CACNA2D2: variants seen among roughly 807,000 people sequenced by gnomAD.
CACNA2D2 encodes calcium voltage-gated channel auxiliary subunit alpha2delta 2.
CACNA2D2 carries 48 observed loss-of-function variants against 166.4 expected under a neutral mutation model. The ratio of observed to expected loss-of-function variants is 0.29; its 90% CI spans 0.23 to 0.37. The LOEUF (loss-of-function observed/expected upper bound fraction) is 0.37, where lower values mean the gene tolerates loss of function less well. Among genes scored for constraint, CACNA2D2 ranks in the 10% least tolerant of loss-of-function variants. CACNA2D2 has a pLI of 1.00. For missense variants in CACNA2D2, 1,122 were observed against 1,433.0 expected, an observed-to-expected ratio of 0.78 and a Z score of 3.50; for synonymous variants, 561 against 573.7, an observed-to-expected ratio of 0.98 and a Z score of 0.32.
chr3:50,408,774 C>T (rs1706844935), intron 3 of CACNA2D2, among the ~76,000 whole-genome samples: 1 of 152,224 alleles, frequency 6.6e-6, no homozygotes, highest in Non-Finnish European at 1.5e-5. Context: ...CCCCACACTG[C>T]ACAGCCACTC....
At position 50,370,590 on chromosome 3, in the gene CACNA2D2, CAGG is replaced by C. The variant is rs780054314; in HGVS notation, c.1985-213_1985-211del. On this transcript the variant is annotated intron_variant, in intron 22 of 37. Transcript: ENST00000424201. ...AGGGCCTGTGGAGACTACAGCATCG[CAGG>C]AGGAGGGCAGTTATAGCCAATATGT... Among the ~76,000 whole-genome samples, 153 of 152,174 alleles carry C rather than the reference CAGG, an allele frequency of 1.0e-3. 1 individual carries two copies. The highest frequency in any genetic ancestry group is 3.4e-3 in the Middle Eastern group (1 of 294).
Position 50,365,112 on chromosome 3 carries a change from C to G in CACNA2D2, c.3171G>C (p.Gln1057His). Residue 1057 changes from glutamine (Q) to histidine (H), a missense_variant, in exon 36 of 38, where the codon CAG (glutamine) becomes CAC (histidine). By Grantham distance (24) the Gln-to-His change is conservative. Transcript: ENST00000424201. This position sits in a 1 kb window ranked among gnomAD's most constrained non-coding sequence, Gnocchi z 4.5. ...FVVAEKPLCS[Q>H]CEAGRLLQKE... ...TCTGCAGCAGCCGGCCAGCCTCGCA[C>G]TGGCTGCACAGCGGCTTCTCGGCCA... The G allele has an allele frequency of 6.2e-7, 1 of 1,612,094 alleles. No individual in the cohort carries two copies. Among genetic ancestry groups the G allele is most frequent in the Non-Finnish European group, 8.5e-7 (1 of 1,179,698 alleles).
chr3:50,485,041 G>A (rs529494185), intron 1 of CACNA2D2, among the ~76,000 whole-genome samples: 195 of 152,340 alleles, frequency 1.3e-3, no homozygotes, highest in Non-Finnish European at 2.3e-3. Context: ...GGCCCGCCCA[G>A]GCCTGTGGCT....
In CACNA2D2 at chr3:50,428,302, C is replaced by T. The variant is rs555752533; in HGVS notation, c.405+6011G>A. Among the ~76,000 whole-genome samples, 8 of 152,254 alleles carry T rather than the reference C, an allele frequency of 5.3e-5. No individual in the cohort carries two copies. In the East Asian group the frequency reaches 5.8e-4, roughly 11 times the overall value. On this transcript the variant is annotated intron_variant, in intron 3 of 37. Coordinates refer to ENST00000424201, the MANE Select transcript of CACNA2D2 (RefSeq NM_006030.4). ...AAGATGTCAGCAGTGCCGAGGCTGA[C>T]GCCCTGCTTTAGATAAGGCTTTAGA...
chr3:50,438,363 C>A (rs1708442006), intron 2 of CACNA2D2, among the ~76,000 whole-genome samples: 1 of 152,184 alleles, frequency 6.6e-6, no homozygotes, highest in South Asian at 2.1e-4. Context: ...CCTCTCTCAG[C>A]TCTAGCAGTT....
intron 2 of CACNA2D2, among the ~76,000 whole-genome samples, chr3:50,453,535 T>A (rs2106965916): frequency 6.6e-6 from 1 of 152,220 alleles, no homozygotes; most frequent in East Asian, 1.9e-4. Flanking sequence ...CACTCAGGCC[T>A]CGCCCCTTTC....
chr3:50,394,995 C>T (rs1706076268), intron 3 of CACNA2D2, among the ~76,000 whole-genome samples: 2 of 152,192 alleles, frequency 1.3e-5, no homozygotes, highest in African/African-American at 4.8e-5. Flanking sequence ...CGGCCACCCT[C>T]TGGGCCTAAG....
chr3:50,434,980 G>C (rs781487488), intron 2 of CACNA2D2, among the ~76,000 whole-genome samples: 1 of 152,214 alleles, frequency 6.6e-6, no homozygotes, highest in Non-Finnish European at 1.5e-5. Flanking sequence ...CAGGAGCTCT[G>C]GGCAATCCCA....
chr3:50,400,317 T>C (rs1377226668), intron 3 of CACNA2D2, among the ~76,000 whole-genome samples: 1 of 152,160 alleles, frequency 6.6e-6, no homozygotes, highest in Non-Finnish European at 1.5e-5. Flanking sequence ...TGAGCAGACA[T>C]TTGTCTGTCC....
rs1479185575 is a variant in CACNA2D2, at chr3:50,374,701, A to G, written c.1984+36T>C. ...GCCGGCCAGGGTGCGGGGCAGAGGC[A>G]GGGTGCAGGGCGCAGGCAGGGGCCG... is the stretch of plus-strand genomic sequence containing the variant. On this transcript the variant is annotated intron_variant, in intron 22 of 37. Transcript: ENST00000424201. 4 of 1,566,636 alleles carry G rather than the reference A, an allele frequency of 2.6e-6. No homozygotes were observed. The Admixed American group carries it at 5.6e-5, about 22-fold the overall frequency.
chr3:50,432,193 T>C (rs888948981), intron 3 of CACNA2D2, among the ~76,000 whole-genome samples: 4 of 152,008 alleles, frequency 2.6e-5, no homozygotes, highest in African/African-American at 9.7e-5. Context: ...GAGTTGATTG[T>C]TCCTTTAGGG....
At position 50,367,354 on chromosome 3, in the gene CACNA2D2, G is replaced by A. The variant is rs776668963; in HGVS notation, c.2401+40C>T. ...TGGCTGAGCAGACAGGGAAGCTGAG[G>A]CTCCCTGCCTGCTGCTGGGCACACT... On this transcript the variant is annotated intron_variant, in intron 27 of 37. Coordinates refer to ENST00000424201, the MANE Select transcript of CACNA2D2 (RefSeq NM_006030.4). The surrounding 1 kb of genome is among the most constrained non-coding windows in gnomAD (Gnocchi z 6.5). The A allele has an allele frequency of 1.3e-6, 2 of 1,556,188 alleles. No individual in the cohort carries two copies. The highest frequency in any genetic ancestry group is 1.8e-6 in the Non-Finnish European group (2 of 1,129,316).
intron 4 of CACNA2D2, among the ~76,000 whole-genome samples, chr3:50,389,521 G>A (rs1046900651): frequency 6.6e-6 from 1 of 152,234 alleles, no homozygotes; most frequent in Non-Finnish European, 1.5e-5. Context: ...AAAGGACACA[G>A]GTGGGGGCTG....
chr3:50,458,527 C>A (rs1709463852), intron 2 of CACNA2D2, among the ~76,000 whole-genome samples: 1 of 152,160 alleles, frequency 6.6e-6, no homozygotes, highest in South Asian at 2.1e-4. Context: ...GCCAAAGAAC[C>A]CCCTGTTCAT....
intron 2 of CACNA2D2, among the ~76,000 whole-genome samples, chr3:50,447,287 CT>C (rs1223683273): frequency 6.6e-6 from 1 of 152,116 alleles, no homozygotes; most frequent in Non-Finnish European, 1.5e-5. Flanking sequence ...GCAGTGTGAC[CT>C]TGTCTCCCCC....
At chr3:50,460,934 A>G (rs1227241578) in intron 2 of CACNA2D2, among the ~76,000 whole-genome samples, 1 of 152,212 alleles carries the variant, frequency 6.6e-6, no homozygotes, top group Admixed American at 6.5e-5. Context: ...TTTGATGAGA[A>G]GATTTTCTCA....
At chr3:50,491,498 G>C (rs1395718282) in intron 1 of CACNA2D2, among the ~76,000 whole-genome samples, 1 of 152,230 alleles carries the variant, frequency 6.6e-6, no homozygotes. Flanking sequence ...CTCCCCTCAA[G>C]TTGCTCTGCC....
At chr3:50,477,408 T>G (rs545676227) in intron 1 of CACNA2D2, among the ~76,000 whole-genome samples, 1 of 152,258 alleles carries the variant, frequency 6.6e-6, no homozygotes, top group Admixed American at 6.5e-5. Flanking sequence ...TGGCCCTCTA[T>G]TCTCAGACCC....
intron 1 of CACNA2D2, among the ~76,000 whole-genome samples, chr3:50,486,207 T>C (rs1698274578): frequency 6.6e-6 from 1 of 152,116 alleles, no homozygotes; most frequent in African/African-American, 2.4e-5. Flanking sequence ...GAGAGCACAG[T>C]AGGGTTGGGA....
Sources: gnomAD v4.1 joint callset for allele counts (sites outside exome capture counted in the v4.1 genomes callset) on GRCh38, gnomAD v4.1.1 for gene constraint, Gnocchi (gnomAD v3.1) non-coding constraint, MANE v1.5 for transcripts, NCBI Gene and HGNC (gene_info 2026-07-23, HGNC 2026-07-21) for gene names.